Variants in NBPF15 observed in about 807,000 individuals in gnomAD.
NBPF15 encodes the protein NBPF member 15, also known as NBPF family member NBPF15.
Under a neutral mutation model 62.2 loss-of-function variants are expected in NBPF15, and 74 were observed. That is an observed-to-expected ratio of 1.19 (90% CI 0.99 to 1.44). NBPF15 has a LOEUF of 1.44. Among genes scored for constraint, NBPF15 ranks in the 40% most tolerant of loss-of-function variants. NBPF15 has a pLI of 0.00. For missense variants in NBPF15, 790 were observed against 550.0 expected, an observed-to-expected ratio of 1.44 and a Z score of -4.36; for synonymous variants, 244 against 209.7, an observed-to-expected ratio of 1.16 and a Z score of -1.41.
At chr1:144,433,363 T>C (rs1329088831) in intron 13 of NBPF15, among the ~76,000 whole-genome samples, 4 of 151,902 alleles carry the variant, frequency 2.6e-5, no homozygotes, top group Non-Finnish European at 5.9e-5. Flanking sequence ...AGATCTAAAA[T>C]TGACATCCTA....
intron 8 of NBPF15, among the ~76,000 whole-genome samples, chr1:144,438,325 G>T (rs1290405015): frequency 6.6e-5 from 10 of 151,286 alleles, no homozygotes; most frequent in Non-Finnish European, 1.5e-4. Flanking sequence ...CACAGTCCCT[G>T]AGGTCTGACT....
In NBPF15 at chr1:144,433,239, T is replaced by A. The variant is rs1675817624; in HGVS notation, c.824+534A>T. ...CAAAATGAAGGCAGAAATAAAGATGTTCTTTGAAACCAATGAGAACAAAGA... is the reference window on the plus strand; with the variant it reads ...CAAAATGAAGGCAGAAATAAAGATGATCTTTGAAACCAATGAGAACAAAGA... On this transcript the variant is annotated intron_variant, in intron 13 of 21. Transcript: ENST00000581897. 1.3e-5 allele frequency among the ~76,000 whole-genome samples: 2 copies of A among 152,020 alleles called. 1 individual carries two copies. Among genetic ancestry groups the A allele is most frequent in the Non-Finnish European group, 2.9e-5 (2 of 67,986 alleles).
chr1:144,429,447 G>T (rs1266606405), intron 14 of NBPF15, among the ~76,000 whole-genome samples: 2 of 151,264 alleles, frequency 1.3e-5, no homozygotes, highest in Non-Finnish European at 2.9e-5. Context: ...CCTGCCTTGA[G>T]TTCAATGTCG....
intron 3 of NBPF15, among the ~76,000 whole-genome samples, chr1:144,459,118 T>C (rs1258481974): frequency 6.6e-6 from 1 of 151,910 alleles, no homozygotes; most frequent in Non-Finnish European, 1.5e-5. Context: ...ACTCCTAGGT[T>C]CGGCATTGAT....
chr1:144,432,462 T>G lies in NBPF15; in HGVS notation c.824+1311A>C, dbSNP rs1165555998. On this transcript the variant is annotated intron_variant, in intron 13 of 21. Transcript: ENST00000581897. ...GGATCAAATTCACACATAACAATAT[T>G]AACCTTAAATGTAAATGGGCTAAAT... 2.0e-5 allele frequency among the ~76,000 whole-genome samples: 3 copies of G among 151,928 alleles called. 1 individual carries two copies. The highest frequency in any genetic ancestry group is 4.4e-5 in the Non-Finnish European group (3 of 67,964).
Position 144,440,302 on chromosome 1 carries a change from T to C in NBPF15, c.-190-7A>G, listed in dbSNP as rs1681799220. ...CAGCGTGCCAGGTAACCGTCTGCAGTTGCAATAACAGAATTAGAAGGTGGG... is the reference window on the plus strand; with the variant it reads ...CAGCGTGCCAGGTAACCGTCTGCAGCTGCAATAACAGAATTAGAAGGTGGG... On this transcript the variant is annotated splice_region_variant and splice_polypyrimidine_tract_variant and intron_variant, in intron 6 of 21. Transcript: ENST00000581897. 3.6e-6 allele frequency: 5 copies of C among 1,376,022 alleles called. No individual in the cohort carries two copies. Among genetic ancestry groups the C allele is most frequent in the Non-Finnish European group, 4.9e-6 (5 of 1,028,262 alleles). The allele number at this position is 1,376,022 out of a possible 1,614,324, so 85.2% of individuals were successfully genotyped here.
chr1:144,439,072 C>A (rs1449612957), intron 8 of NBPF15, among the ~76,000 whole-genome samples: 1 of 151,872 alleles, frequency 6.6e-6, no homozygotes, highest in Non-Finnish European at 1.5e-5. Flanking sequence ...CAACCTCAGC[C>A]TCCTGGGTTC....
At position 144,444,540 on chromosome 1, in the gene NBPF15, C is replaced by A. The variant is rs868935793; in HGVS notation, c.-191+4235G>T. Among the ~76,000 whole-genome samples, 3 of 151,722 alleles carry A rather than the reference C, an allele frequency of 2.0e-5. No individual in the cohort carries two copies. The East Asian group carries it at 5.8e-4, about 29-fold the overall frequency. On this transcript the variant is annotated intron_variant, in intron 6 of 21. Coordinates refer to ENST00000581897, the MANE Select transcript of NBPF15 (RefSeq NM_001385408.1). ...AAGATAAGGGCCCCCAGCACCTAGA[C>A]CCATTTAGATTAACTGAATTTAACT...
At chr1:144,428,932 C>T (rs1176491026) in intron 14 of NBPF15, among the ~76,000 whole-genome samples, 2 of 152,042 alleles carry the variant, frequency 1.3e-5, no homozygotes, top group East Asian at 3.9e-4. Context: ...AATTTTTTCC[C>T]CAATAAATTG....
At chr1:144,428,218 G>A (rs1471064688) in intron 15 of NBPF15, among the ~76,000 whole-genome samples, 12 of 149,852 alleles carry the variant, frequency 8.0e-5, no homozygotes, top group South Asian at 4.2e-4. Context: ...CACACAGAGC[G>A]AGCTCAGTGA....
intron 13 of NBPF15, among the ~76,000 whole-genome samples, chr1:144,432,606 G>A (rs1675217858): frequency 6.6e-6 from 1 of 151,822 alleles, no homozygotes; most frequent in Non-Finnish European, 1.5e-5. Context: ...ATAAAGGGAT[G>A]GAGGAAGATC....
chr1:144,443,253 A>C (rs1684897998), intron 6 of NBPF15, among the ~76,000 whole-genome samples: 1 of 152,018 alleles, frequency 6.6e-6, no homozygotes, highest in Non-Finnish European at 1.5e-5. Flanking sequence ...ACTAAAAAAA[A>C]ATCAATAACT....
chr1:144,445,932 C>T (rs1357652195), intron 6 of NBPF15, among the ~76,000 whole-genome samples: 5 of 145,584 alleles, frequency 3.4e-5, no homozygotes, highest in Non-Finnish European at 7.5e-5. Context: ...TCTCGGCTCA[C>T]TGCAACCTCT....
chr1:144,445,200 T>C (rs1686434497), intron 6 of NBPF15, among the ~76,000 whole-genome samples: 2 of 149,996 alleles, frequency 1.3e-5, no homozygotes, highest in Non-Finnish European at 3.0e-5. Context: ...AGAAATTGTT[T>C]CAATGTGCTG....
intron 15 of NBPF15, among the ~76,000 whole-genome samples, 188 bp from the exon 16 acceptor site, chr1:144,428,178 G>GACACCC (rs1318624508): frequency 7.5e-6 from 1 of 132,470 alleles, no homozygotes; most frequent in Non-Finnish European, 1.6e-5. Flanking sequence ...GAAAGAGAAA[G>GACACCC]ACACACACAC....
At chr1:144,434,709 A>C (rs1302584954) in intron 12 of NBPF15, among the ~76,000 whole-genome samples, 3 of 151,538 alleles carry the variant, frequency 2.0e-5, no homozygotes, top group African/African-American at 7.3e-5. Context: ...GAGAGCAGTG[A>C]AGCCTGAGGA....
chr1:144,445,731 T>C (rs1687026370), intron 6 of NBPF15, among the ~76,000 whole-genome samples: 1 of 151,478 alleles, frequency 6.6e-6, no homozygotes, highest in African/African-American at 2.4e-5. Flanking sequence ...TTTTTAAACA[T>C]AACAACTCTT....
chr1:144,423,401 C>T (rs61812439), intron 21 of NBPF15, 145 bp from the exon 22 acceptor site: 17 of 1,534,098 alleles, frequency 1.1e-5, no homozygotes, highest in African/African-American at 2.9e-5. Flanking sequence ...AAATTTATTG[C>T]CTTTATGTTG....
chr1:144,425,093 C>CACACACACACAGACACACACACAG (rs1668731488), intron 19 of NBPF15, among the ~76,000 whole-genome samples: 5 of 137,070 alleles, frequency 3.6e-5, no homozygotes, highest in African/African-American at 1.4e-4. Context: ...CACACACACA[C>CACACACACACAGACACACACACAG]ACACACACAC....
Sources: gnomAD v4.1 joint callset for allele counts (sites outside exome capture counted in the v4.1 genomes callset) on GRCh38, gnomAD v4.1.1 for gene constraint, MANE v1.5 for transcripts, NCBI Gene and HGNC (gene_info 2026-07-23, HGNC 2026-07-21) for gene names.